The following KATNIP variants were observed in gnomAD, a reference collection of about 807,000 sequenced individuals.
The protein encoded by KATNIP is katanin interacting protein.
A neutral mutation model predicts 174.0 loss-of-function variants in KATNIP; 126 were observed. The ratio of observed to expected loss-of-function variants is 0.72; its 90% CI spans 0.63 to 0.84. The LOEUF (loss-of-function observed/expected upper bound fraction) is 0.84. KATNIP is among the 40% of genes least tolerant of loss of function. The pLI is 0.00. For missense variants in KATNIP, 1,958 were observed against 2,109.7 expected (o/e 0.93, Z 1.41); for synonymous variants, 810 against 835.7 (o/e 0.97, Z 0.53).
At position 27,608,793 on chromosome 16, in the gene KATNIP, G is replaced by A. The variant is rs75155790; in HGVS notation, c.64-9632G>A. 1.5e-3 allele frequency among the ~76,000 whole-genome samples: 234 copies of A among 152,314 alleles called. 4 individuals are homozygous for A. In the East Asian group the frequency reaches 0.039, roughly 25 times the overall value. On this transcript the variant is annotated intron_variant, in intron 2 of 27. Coordinates refer to ENST00000261588, the MANE Select transcript of KATNIP (RefSeq NM_015202.5). Reference sequence around the variant, plus strand: ...ATACCAATAAGGACATTGAGGCTCTGCTTTCGTGTCACATCCAAACTCCTT... The same window carrying A: ...ATACCAATAAGGACATTGAGGCTCTACTTTCGTGTCACATCCAAACTCCTT...
rs777648421 is a variant in KATNIP, at chr16:27,749,974, C to T, written c.3014C>T (p.Pro1005Leu). ...GIEIFSSKGE[P>L]VQISNIKADP... ...GAAATATTCAGTTCCAAGGGTGAAC[C>T]GGTGCAGATTTCAAACATAAAAGCA... Residue 1005 changes from proline to leucine, a missense_variant, in exon 16 of 28, where the codon CCG becomes CTG. Around this residue, in one of 3 missense-constraint regions of KATNIP, gnomAD observed 1,557 missense variants for 1,617.8 expected, o/e 0.96. Coordinates refer to ENST00000261588, the MANE Select transcript of KATNIP (RefSeq NM_015202.5). 1.4e-5 allele frequency: 22 copies of T among 1,614,048 alleles called. No homozygotes were observed. In the South Asian group the frequency reaches 1.4e-4, roughly 10 times the overall value.
At chr16:27,752,007 A>T in intron 17 of KATNIP, 83 bp downstream of exon 17, 2 of 1,146,286 alleles carry the variant, frequency 1.7e-6, no homozygotes, top group Admixed American at 5.6e-5. Context: ...GAGAATTAAG[A>T]TGGATATCCT....
At chr16:27,582,223 C>T (rs1225271599) in intron 2 of KATNIP, among the ~76,000 whole-genome samples, 1 of 152,128 alleles carries the variant, frequency 6.6e-6, no homozygotes, top group Non-Finnish European at 1.5e-5. Flanking sequence ...CAATTTCAGT[C>T]TTGTTGCCCC....
chr16:27,565,812 AAAC>A (rs1329813932), intron 1 of KATNIP, among the ~76,000 whole-genome samples: 1 of 152,024 alleles, frequency 6.6e-6, no homozygotes, highest in Non-Finnish European at 1.5e-5. Context: ...CAAAAAAAAA[AAAC>A]AAAGGAAGAG....
intron 13 of KATNIP, among the ~76,000 whole-genome samples, chr16:27,721,088 A>G (rs1198563155): frequency 6.6e-6 from 1 of 152,204 alleles, no homozygotes; most frequent in Non-Finnish European, 1.5e-5. Context: ...GCCCTGGCCC[A>G]ACCAACGACT....
intron 15 of KATNIP, among the ~76,000 whole-genome samples, chr16:27,749,201 A>C (rs573276147): frequency 1.1e-3 from 160 of 152,358 alleles, no homozygotes; most frequent in African/African-American, 3.6e-3. Context: ...CGATGATTGC[A>C]TTCTTAGAAA....
At chr16:27,592,693 T>C (rs553282986) in intron 2 of KATNIP, among the ~76,000 whole-genome samples, 20 of 152,176 alleles carry the variant, frequency 1.3e-4, no homozygotes, top group Non-Finnish European at 2.1e-4. Flanking sequence ...ATGTTGTTCA[T>C]TGTGATAGAG....
intron 13 of KATNIP, 90 bp from the exon 14 acceptor site, chr16:27,721,468 G>C: frequency 6.6e-7 from 1 of 1,523,486 alleles, no homozygotes; most frequent in Non-Finnish European, 9.0e-7. Flanking sequence ...GGCCTCTCCT[G>C]GTTTTCGTGA....
Position 27,769,901 on chromosome 16 carries a change from C to A in KATNIP, c.4016C>A (p.Ser1339Tyr). The A allele has an allele frequency of 6.2e-7, 1 of 1,614,222 alleles. No homozygotes were observed. ...GTCTCCCTGGATGGCCTGTGCGTCTCCCCGCCAGAGGGCTTTCTCATCCGG... is the reference window on the plus strand; with the variant it reads ...GTCTCCCTGGATGGCCTGTGCGTCTACCCGCCAGAGGGCTTTCTCATCCGG... ...VHVSLDGLCV[S>Y]PPEGFLIRKG... The change falls in exon 21 of 28, where the codon TCC (serine) becomes TAC (tyrosine). Residue 1339 changes from serine to tyrosine, a missense_variant. Transcript: ENST00000261588.
chr16:27,625,576 A>G (rs977527429), intron 3 of KATNIP, among the ~76,000 whole-genome samples: 4 of 152,256 alleles, frequency 2.6e-5, no homozygotes, highest in African/African-American at 7.2e-5. Flanking sequence ...CCCAACAATC[A>G]GGCATCTCCC....
At position 27,771,632 on chromosome 16, in the gene KATNIP, C is replaced by T; in HGVS notation, c.4178C>T (p.Ala1393Val). Residue 1393 changes from alanine to valine, a missense_variant, in exon 22 of 28, where the codon GCA becomes GTA. Ala to Val is a moderately conservative substitution (Grantham distance 64). Transcript: ENST00000261588. ...GAGTGTGCAAGCATGGACTACGAGG[C>T]ACCGCTGATGCCCTGTGGCTGTATC... ...SLECASMDYE[A>V]PLMPCGFIFQ... 6.2e-7 allele frequency: 1 copy of T among 1,613,582 alleles called. No homozygotes were observed. The highest frequency in any genetic ancestry group is 8.5e-7 in the Non-Finnish European group (1 of 1,179,750).
At chr16:27,707,134 C>T (rs528933867) in intron 12 of KATNIP, among the ~76,000 whole-genome samples, 3 of 152,316 alleles carry the variant, frequency 2.0e-5, no homozygotes, top group African/African-American at 7.2e-5. Context: ...AGCAATAGCA[C>T]GTCTCGCTGG....
intron 6 of KATNIP, among the ~76,000 whole-genome samples, chr16:27,658,315 G>T (rs1262162410): frequency 2.6e-5 from 4 of 152,132 alleles, no homozygotes; most frequent in Non-Finnish European, 5.9e-5. Context: ...CATTTTTTAG[G>T]TCTGAACTTT....
chr16:27,583,392 C>T (rs1282157503), intron 2 of KATNIP, among the ~76,000 whole-genome samples: 1 of 152,172 alleles, frequency 6.6e-6, no homozygotes, highest in South Asian at 2.1e-4. Context: ...TACCTCCTCC[C>T]TCCACCCCCA....
chr16:27,723,762 G>C (rs1342945817), intron 14 of KATNIP, among the ~76,000 whole-genome samples: 1 of 152,142 alleles, frequency 6.6e-6, no homozygotes, highest in African/African-American at 2.4e-5. Flanking sequence ...TGGAGGCAGA[G>C]CGGGGAACCT....
intron 2 of KATNIP, among the ~76,000 whole-genome samples, chr16:27,604,490 C>T (rs757164715): frequency 6.6e-6 from 1 of 152,194 alleles, no homozygotes; most frequent in Non-Finnish European, 1.5e-5. Flanking sequence ...CTGCCTCAGC[C>T]TCCCAAAGTG....
intron 7 of KATNIP, 121 bp from the exon 8 acceptor site, chr16:27,681,278 C>G: frequency 7.6e-7 from 1 of 1,316,304 alleles, no homozygotes; most frequent in Non-Finnish European, 1.1e-6. Flanking sequence ...CCAAACTGCA[C>G]AAAGTAGTTC....
Position 27,777,086 on chromosome 16 carries a change from G to A in KATNIP, c.4551+57G>A, listed in dbSNP as rs908513881. The A allele has an allele frequency of 2.2e-5, 24 of 1,076,672 alleles. No individual in the cohort carries two copies. Among genetic ancestry groups the A allele is most frequent in the African/African-American group, 1.2e-4 (8 of 64,296 alleles). The allele number at this position is 1,076,672 out of a possible 1,614,324, so 66.7% of individuals were successfully genotyped here. A position where few individuals can be genotyped will look rare whatever the true frequency, so the allele number is the denominator to read the frequency against. On this transcript the variant is annotated intron_variant, in intron 25 of 27. Coordinates refer to ENST00000261588, the MANE Select transcript of KATNIP (RefSeq NM_015202.5). The surrounding 1 kb of genome is among the most constrained non-coding windows in gnomAD (Gnocchi z 4.4). ...AATTATGCTCGTTGGTAATTAGGCC[G>A]CCGGCAATTATCATTTGTCGCAGTT...
intron 2 of KATNIP, among the ~76,000 whole-genome samples, chr16:27,584,152 G>A (rs555670706): frequency 6.6e-6 from 1 of 152,106 alleles, no homozygotes; most frequent in East Asian, 1.9e-4. Context: ...AATAGTGATT[G>A]GTGCTTCTTC....
Sources: allele counts gnomAD v4.1 joint callset (sites outside exome capture counted in the v4.1 genomes callset), GRCh38; gene constraint gnomAD v4.1.1; regional missense constraint gnomAD v4.1.1; non-coding constraint Gnocchi (gnomAD v3.1); transcripts MANE v1.5; gene names NCBI Gene and HGNC (gene_info 2026-07-23, HGNC 2026-07-21).